The following DAB1 variants were observed in gnomAD, a reference collection of about 807,000 sequenced individuals.
DAB1 encodes the protein disabled homolog 1.
DAB1 carries 15 observed loss-of-function variants against 64.6 expected under a neutral mutation model. The observed-to-expected ratio is 0.23, with a 90% CI of 0.16 to 0.36. DAB1 has a LOEUF of 0.36. Ranked by LOEUF, DAB1 falls within the 10% of genes least tolerant of loss-of-function variation. The probability of loss-of-function intolerance (pLI) is 1.00; values close to 1 mark genes in which losing one functional copy is unlikely to be tolerated. For missense variants in DAB1, 596 were observed against 706.7 expected, an observed-to-expected ratio of 0.84 and a Z score of 1.78; for synonymous variants, 235 against 251.9, an observed-to-expected ratio of 0.93 and a Z score of 0.64.
At chr1:57,011,778 A>T (rs1417397993) in intron 12 of DAB1, among the ~76,000 whole-genome samples, 1 of 152,202 alleles carries the variant, frequency 6.6e-6, no homozygotes, top group African/African-American at 2.4e-5. Context: ...TCCTCATAAA[A>T]CATCTTTGAG....
intron 3 of DAB1, among the ~76,000 whole-genome samples, chr1:58,444,011 T>A (rs1645039828): frequency 6.6e-6 from 1 of 152,260 alleles, no homozygotes; most frequent in Admixed American, 6.5e-5. Context: ...TTTGTGAAGA[T>A]TAAATGAGAT....
chr1:57,813,688 T>C (rs894264322), intron 6 of DAB1, among the ~76,000 whole-genome samples: 1 of 152,166 alleles, frequency 6.6e-6, no homozygotes, highest in Non-Finnish European at 1.5e-5. Flanking sequence ...TAAATATTTA[T>C]TGAATGAAAC....
chr1:57,720,029 T>C (rs1252313760), intron 6 of DAB1, among the ~76,000 whole-genome samples: 1 of 152,208 alleles, frequency 6.6e-6, no homozygotes, highest in Non-Finnish European at 1.5e-5. Flanking sequence ...CTTCAATGGT[T>C]TCTCTGAGTT....
chr1:58,234,041 C>T (rs920810270), intron 4 of DAB1, among the ~76,000 whole-genome samples: 1 of 152,170 alleles, frequency 6.6e-6, no homozygotes, highest in African/African-American at 2.4e-5. Flanking sequence ...AATGAAACCA[C>T]TTAGGAAATT....
rs12065112 is a variant in DAB1, at chr1:57,958,362, A to C, written n.388-74200T>G. Reference sequence around the variant, plus strand: ...AAGATCTGCATTCATTCATTCATTTATTCAACAAGTATTGCTTTATGATAT... The same window carrying C: ...AAGATCTGCATTCATTCATTCATTTCTTCAACAAGTATTGCTTTATGATAT... On this transcript the variant is annotated intron_variant and non_coding_transcript_variant, in intron 5 of 20. Coordinates refer to the DAB1 transcript ENST00000485760. Among the ~76,000 whole-genome samples the C allele has an allele frequency of 2.9e-3, 439 of 152,308 alleles. 3 individuals are homozygous for C. The highest frequency in any genetic ancestry group is 0.01 in the African/African-American group (419 of 41,566).
chr1:57,159,157 C>A (rs948839903), intron 2 of DAB1, among the ~76,000 whole-genome samples: 3 of 151,608 alleles, frequency 2.0e-5, no homozygotes, highest in African/African-American at 7.3e-5. Context: ...CAAAGGTCTA[C>A]TAGTATTTAT....
intron 3 of DAB1, among the ~76,000 whole-genome samples, chr1:58,359,227 A>G (rs1644140787): frequency 6.6e-6 from 1 of 152,196 alleles, no homozygotes; most frequent in Non-Finnish European, 1.5e-5. Context: ...GAAGTCAGAA[A>G]TGTTGCCCCT....
At chr1:57,612,544 C>A (rs1421852448) in intron 7 of DAB1, among the ~76,000 whole-genome samples, 1 of 151,968 alleles carries the variant, frequency 6.6e-6, no homozygotes, top group Non-Finnish European at 1.5e-5. Context: ...TGGACTTGAA[C>A]ATGGAGGAAG....
intron 4 of DAB1, among the ~76,000 whole-genome samples, chr1:58,322,979 C>G (rs2100486799): frequency 6.6e-6 from 1 of 151,820 alleles, no homozygotes; most frequent in African/African-American, 2.4e-5. Flanking sequence ...TCTGAGCAAA[C>G]TATCGCAAGG....
chr1:58,538,649 T>C, intron 1 of DAB1: 1 of 486,822 alleles, frequency 2.1e-6, no homozygotes, highest in Non-Finnish European at 3.6e-6. Context: ...TTGAGCTAAA[T>C]GGGGGGAGAC....
At chr1:57,765,776 C>T (rs1442210545) in intron 6 of DAB1, among the ~76,000 whole-genome samples, 2 of 152,128 alleles carry the variant, frequency 1.3e-5, no homozygotes, top group African/African-American at 4.8e-5. Flanking sequence ...TCCTCCCTGG[C>T]TACTCCTTTG....
intron 4 of DAB1, among the ~76,000 whole-genome samples, chr1:58,187,157 A>C (rs1657123729): frequency 6.6e-6 from 1 of 152,080 alleles, no homozygotes; most frequent in Non-Finnish European, 1.5e-5. Flanking sequence ...TGAAAGATTA[A>C]TCCACTTTAA....
chr1:57,415,822 G>T (rs759142484), intron 1 of DAB1, among the ~76,000 whole-genome samples: 1 of 152,162 alleles, frequency 6.6e-6, no homozygotes, highest in Non-Finnish European at 1.5e-5. Context: ...GACTAGGATT[G>T]TACAGCATCT....
At chr1:57,085,684 G>T (rs1652999640) in intron 4 of DAB1, among the ~76,000 whole-genome samples, 1 of 152,150 alleles carries the variant, frequency 6.6e-6, no homozygotes, top group Non-Finnish European at 1.5e-5. Flanking sequence ...TAATTACCTG[G>T]CTAATATCTG....
At chr1:57,410,948 T>G (rs1684055659) in intron 1 of DAB1, among the ~76,000 whole-genome samples, 1 of 152,172 alleles carries the variant, frequency 6.6e-6, no homozygotes, top group Non-Finnish European at 1.5e-5. Context: ...GAATTTGAAA[T>G]TTTATCACCA....
At chr1:57,939,414 A>T (rs1645071448) in intron 5 of DAB1, among the ~76,000 whole-genome samples, 2 of 152,230 alleles carry the variant, frequency 1.3e-5, no homozygotes, top group South Asian at 4.1e-4. Context: ...GAGATGAGCT[A>T]GATGTATATT....
rs186965274 is a variant in DAB1 at position 58,019,044 on chromosome 1, C to T, written n.387+131467G>A. ...CTCCACCACAGGCTGGCTGCATGAC[C>T]TTGAGATAATCACTTAATCTCTCTG... On this transcript the variant is annotated intron_variant and non_coding_transcript_variant, in intron 5 of 20. Coordinates refer to the DAB1 transcript ENST00000485760. Among the ~76,000 whole-genome samples, 413 of 152,248 alleles carry T rather than the reference C, an allele frequency of 2.7e-3. 1 individual carries two copies. Among genetic ancestry groups the T allele is most frequent in the African/African-American group, 9.6e-3 (398 of 41,544 alleles).
intron 5 of DAB1, among the ~76,000 whole-genome samples, chr1:58,039,950 G>A (rs1341741499): frequency 6.6e-6 from 1 of 152,138 alleles, no homozygotes; most frequent in Non-Finnish European, 1.5e-5. Flanking sequence ...AAGAGGAACA[G>A]TGCTAGCAAA....
intron 9 of DAB1, among the ~76,000 whole-genome samples, chr1:57,040,129 C>T (rs1647551374): frequency 6.6e-6 from 1 of 152,040 alleles, no homozygotes; most frequent in Non-Finnish European, 1.5e-5. Flanking sequence ...AAGATTCATG[C>T]TGGTGGTTAC....
Sources: gnomAD v4.1 joint callset for allele counts (sites outside exome capture counted in the v4.1 genomes callset) on GRCh38, gnomAD v4.1.1 for gene constraint, MANE v1.5 for transcripts, NCBI Gene and HGNC (gene_info 2026-07-23, HGNC 2026-07-21) for gene names.